The following GALNTL6 variants were observed in gnomAD, a reference collection of about 807,000 sequenced individuals.
The protein encoded by GALNTL6 is polypeptide N-acetylgalactosaminyltransferase like 6, also known as polypeptide N-acetylgalactosaminyltransferase-like 6.
Under a neutral mutation model 73.7 loss-of-function variants are expected in GALNTL6, and 46 were observed. That is an observed-to-expected ratio of 0.62 (90% CI 0.49 to 0.80). The LOEUF (loss-of-function observed/expected upper bound fraction) is 0.80, where lower values mean the gene tolerates loss of function less well. Among genes scored for constraint, GALNTL6 ranks in the 30% least tolerant of loss-of-function variants. GALNTL6 has a pLI of 0.00. For missense variants in GALNTL6, 604 were observed against 755.0 expected (o/e 0.80, Z 2.34); for synonymous variants, 259 against 263.7 (o/e 0.98, Z 0.17).
chr4:172,016,327 A>G (rs13118937), intron 2 of GALNTL6, among the ~76,000 whole-genome samples: 18,561 of 151,872 alleles, frequency 0.12, 2,862 homozygotes, highest in African/African-American at 0.36. Context: ...ACGCTCTGAA[A>G]TTCTTTCTTC....
intron 2 of GALNTL6, among the ~76,000 whole-genome samples, chr4:171,972,168 C>A (rs961592063): frequency 6.6e-6 from 1 of 152,102 alleles, no homozygotes; most frequent in Admixed American, 6.6e-5. Context: ...ACCTCTACAA[C>A]TTGTAGTTTT....
At chr4:172,897,235 C>G (rs1746376255) in intron 8 of GALNTL6, among the ~76,000 whole-genome samples, 1 of 152,162 alleles carries the variant, frequency 6.6e-6, no homozygotes, top group South Asian at 2.1e-4. Context: ...AATCTCTGCA[C>G]AGACAGGATA....
At chr4:172,690,180 A>AT (rs982849896) in intron 5 of GALNTL6, among the ~76,000 whole-genome samples, 9 of 152,284 alleles carry the variant, frequency 5.9e-5, no homozygotes, top group East Asian at 1.9e-4. Context: ...AATTTATTTC[A>AT]TTTTTTCTGA....
intron 2 of GALNTL6, among the ~76,000 whole-genome samples, chr4:172,182,479 T>C (rs1051209509): frequency 6.6e-6 from 1 of 151,434 alleles, no homozygotes; most frequent in Admixed American, 6.6e-5. Flanking sequence ...TTCTTTTTTT[T>C]TGAGATGGGA....
At chr4:172,730,556 T>C (rs1736084113) in intron 5 of GALNTL6, among the ~76,000 whole-genome samples, 1 of 152,230 alleles carries the variant, frequency 6.6e-6, no homozygotes, top group South Asian at 2.1e-4. Flanking sequence ...TGAAACATTG[T>C]CTTACCCCTA....
chr4:172,312,318 T>G (rs568739869), intron 4 of GALNTL6, among the ~76,000 whole-genome samples: 36 of 152,344 alleles, frequency 2.4e-4, no homozygotes, highest in Non-Finnish European at 3.4e-4. Context: ...CATATTATAG[T>G]TGAAATGATA....
chr4:172,693,578 C>T (rs1733454411), intron 5 of GALNTL6, among the ~76,000 whole-genome samples: 2 of 152,206 alleles, frequency 1.3e-5, no homozygotes. Context: ...GACACCTTAA[C>T]TCACCCCAGT....
chr4:172,554,080 T>C (rs1379412892), intron 5 of GALNTL6, among the ~76,000 whole-genome samples: 1 of 152,190 alleles, frequency 6.6e-6, no homozygotes, highest in Non-Finnish European at 1.5e-5. Context: ...CATCTGATTC[T>C]TGCCTTGGCC....
rs78899113 is a variant in GALNTL6 at position 172,650,494 on chromosome 4, G to A, written c.554-158867G>A. On this transcript the variant is annotated intron_variant, in intron 5 of 12. Transcript: ENST00000506823. ...AATAGAGAATTTCTACTTAGCATTA[G>A]TGAGATCAAAGGCCATTACATCTAT... 5.6e-3 allele frequency among the ~76,000 whole-genome samples: 858 copies of A among 152,268 alleles called. 9 individuals are homozygous for A. Among genetic ancestry groups the A allele is most frequent in the African/African-American group, 0.019 (804 of 41,552 alleles).
intron 2 of GALNTL6, among the ~76,000 whole-genome samples, chr4:172,029,586 C>T (rs1373991348): frequency 6.6e-6 from 1 of 151,996 alleles, no homozygotes; most frequent in East Asian, 1.9e-4. Context: ...AAAGTATTTC[C>T]TCATTTCTCT....
At chr4:172,517,292 T>C (rs936105960) in intron 5 of GALNTL6, among the ~76,000 whole-genome samples, 2 of 151,682 alleles carry the variant, frequency 1.3e-5, no homozygotes, top group Non-Finnish European at 2.9e-5. Context: ...TCACAAGAAA[T>C]AGAGGGAGTT....
intron 2 of GALNTL6, among the ~76,000 whole-genome samples, chr4:172,226,267 C>A (rs1169577126): frequency 6.6e-6 from 1 of 152,084 alleles, no homozygotes; most frequent in Non-Finnish European, 1.5e-5. Context: ...TTATCTACTG[C>A]TTTCCCATTA....
chr4:172,996,924 A>G (rs1011375343), intron 10 of GALNTL6, among the ~76,000 whole-genome samples: 2 of 152,098 alleles, frequency 1.3e-5, no homozygotes, highest in African/African-American at 4.8e-5. Flanking sequence ...TTGCTACTCC[A>G]TGGTGCCTTT....
intron 4 of GALNTL6, among the ~76,000 whole-genome samples, chr4:172,316,338 A>C (rs1355752170): frequency 6.6e-6 from 1 of 152,192 alleles, no homozygotes; most frequent in Non-Finnish European, 1.5e-5. Context: ...ATGCACCTAC[A>C]TGTTACCTGA....
chr4:172,848,256 A>G lies in GALNTL6; in HGVS notation c.923+34533A>G, dbSNP rs115100474. On this transcript the variant is annotated intron_variant, in intron 7 of 12. Transcript: ENST00000506823. ...TGAAGCTTTTCAGATCTGAGCTTAA[A>G]TGTCACCTCCCTAGGGTAGACTCAT... 6.6e-3 allele frequency among the ~76,000 whole-genome samples: 1,007 copies of G among 152,252 alleles called. 4 individuals are homozygous for G. The highest frequency in any genetic ancestry group is 0.014 in the Admixed American group (218 of 15,278).
chr4:172,498,401 A>AT (rs1734145279), intron 5 of GALNTL6, among the ~76,000 whole-genome samples: 1 of 152,152 alleles, frequency 6.6e-6, no homozygotes, highest in African/African-American at 2.4e-5. Flanking sequence ...ATTTAAAAAA[A>AT]TTTTATACTA....
At chr4:172,433,058 G>A (rs1053659819) in intron 5 of GALNTL6, among the ~76,000 whole-genome samples, 19 of 152,116 alleles carry the variant, frequency 1.2e-4, no homozygotes, top group African/African-American at 3.9e-4. Flanking sequence ...TGTAGTTTGC[G>A]TATACAAATA....
rs144512852 is a variant in GALNTL6, at chr4:172,181,502, G to A, written c.139-48154G>A. Among the ~76,000 whole-genome samples the A allele has an allele frequency of 2.3e-4, 35 of 152,090 alleles. 1 individual carries two copies. Among genetic ancestry groups the A allele is most frequent in the Non-Finnish European group, 5.0e-4 (34 of 68,028 alleles). The stretch of plus-strand genomic sequence containing the variant: ...CCACAGCCAATATCATACTGAAGGG[G>A]CAAAAGCTGGAAGCATTCCCTTTGA... On this transcript the variant is annotated intron_variant, in intron 2 of 12. Transcript: ENST00000506823.
At chr4:172,875,881 C>T (rs7660673) in intron 7 of GALNTL6, among the ~76,000 whole-genome samples, 38,263 of 151,964 alleles carry the variant, frequency 0.25, 5,317 homozygotes, top group African/African-American at 0.37. Flanking sequence ...TATCCATTTA[C>T]CTCCTGTACC....
Sources: gnomAD v4.1 joint callset for allele counts (sites outside exome capture counted in the v4.1 genomes callset) on GRCh38, gnomAD v4.1.1 for gene constraint, MANE v1.5 for transcripts, NCBI Gene and HGNC (gene_info 2026-07-23, HGNC 2026-07-21) for gene names.